The following PRKD1 variants were observed in gnomAD, a reference collection of about 807,000 sequenced individuals.
PRKD1 encodes serine/threonine-protein kinase D1.
PRKD1 carries 63 observed loss-of-function variants against 95.9 expected under a neutral mutation model. The ratio of observed to expected loss-of-function variants is 0.66; its 90% confidence interval spans 0.54 to 0.81. The LOEUF is 0.81. Ranked by LOEUF, PRKD1 falls within the 30% of genes least tolerant of loss-of-function variation. PRKD1 has a pLI of 0.00. For missense variants in PRKD1, 1,048 were observed against 1,165.3 expected, an observed-to-expected ratio of 0.90 and a Z score of 1.47; for synonymous variants, 425 against 423.1, an observed-to-expected ratio of 1.00 and a Z score of -0.05.
intron 11 of PRKD1, among the ~76,000 whole-genome samples, chr14:29,628,739 G>A (rs1879788813): frequency 6.6e-6 from 1 of 152,006 alleles, no homozygotes. Context: ...ATTTTACTGT[G>A]TAATATCAAC....
chr14:29,766,425 C>T (rs1214380999), intron 1 of PRKD1, among the ~76,000 whole-genome samples: 1 of 152,154 alleles, frequency 6.6e-6, no homozygotes, highest in African/African-American at 2.4e-5. Context: ...CTTAATGCAA[C>T]TTAGCTTTGT....
intron 1 of PRKD1, among the ~76,000 whole-genome samples, chr14:29,818,286 C>T (rs748268755): frequency 2.6e-5 from 4 of 152,178 alleles, no homozygotes; most frequent in Non-Finnish European, 4.4e-5. Flanking sequence ...CAAACAGAAA[C>T]ACCATACCAC....
intron 2 of PRKD1, among the ~76,000 whole-genome samples, chr14:29,683,036 C>T (rs567846808): frequency 2.4e-4 from 36 of 152,162 alleles, no homozygotes; most frequent in Non-Finnish European, 2.9e-4. Flanking sequence ...AGATAGTGAA[C>T]GGGAAAGCAC....
At chr14:29,813,153 A>T (rs1232185886) in intron 1 of PRKD1, among the ~76,000 whole-genome samples, 2 of 152,222 alleles carry the variant, frequency 1.3e-5, no homozygotes, top group Non-Finnish European at 2.9e-5. Flanking sequence ...ATTTAAGATA[A>T]AATGAAAATA....
chr14:29,851,416 C>A (rs1463339961), intron 1 of PRKD1, among the ~76,000 whole-genome samples: 1 of 151,930 alleles, frequency 6.6e-6, no homozygotes, highest in African/African-American at 2.4e-5. Context: ...AAAAAGTGGG[C>A]AAAAGGCATA....
chr14:29,656,635 A>C (rs1361379757), intron 4 of PRKD1: 12 of 996,196 alleles, frequency 1.2e-5, no homozygotes, highest in Admixed American at 4.6e-5. Flanking sequence ...GCTTTCAAAA[A>C]AAAGCAAAAT....
chr14:29,630,650 T>G, intron 10 of PRKD1, 92 bp downstream of exon 10: 1 of 1,510,510 alleles, frequency 6.6e-7, no homozygotes, highest in Non-Finnish European at 9.1e-7. Context: ...TCTTTCTTCA[T>G]TCTGTTCTTA....
chr14:29,885,097 T>A (rs1382823429), intron 1 of PRKD1, among the ~76,000 whole-genome samples: 1 of 142,512 alleles, frequency 7.0e-6, no homozygotes, highest in Non-Finnish European at 1.5e-5. Context: ...CACTCCCCCC[T>A]GGGCAACAGA....
intron 4 of PRKD1, chr14:29,657,427 C>T (rs1256204542): frequency 6.6e-6 from 1 of 152,092 alleles, no homozygotes; most frequent in African/African-American, 2.4e-5. Flanking sequence ...AATAAAAGAC[C>T]TCACATTGAG....
At chr14:29,602,708 C>T (rs1893566717) in intron 13 of PRKD1, among the ~76,000 whole-genome samples, 1 of 152,114 alleles carries the variant, frequency 6.6e-6, no homozygotes, top group Non-Finnish European at 1.5e-5. Flanking sequence ...GGATTACAGG[C>T]ATGAGCCACT....
chr14:29,758,507 G>A (rs1278739468), intron 1 of PRKD1, among the ~76,000 whole-genome samples: 1 of 152,116 alleles, frequency 6.6e-6, no homozygotes, highest in East Asian at 1.9e-4. Flanking sequence ...ATAGAGCAGG[G>A]CATATTTCAC....
In PRKD1 at chr14:29,743,539, G is replaced by A. The variant is rs568730978; in HGVS notation, c.265-17865C>T. ...AATTCACTAGTGGAGACAAGAACAT[G>A]TTAGGAAACAGAACATCTTGCCTCA... On this transcript the variant is annotated intron_variant, in intron 1 of 17. Transcript: ENST00000331968. Among the ~76,000 whole-genome samples, 4 of 152,214 alleles carry A rather than the reference G, an allele frequency of 2.6e-5. No homozygotes were observed. In the South Asian group the frequency reaches 8.3e-4, roughly 32 times the overall value.
At chr14:29,769,151 G>A (rs1381904192) in intron 1 of PRKD1, among the ~76,000 whole-genome samples, 1 of 152,190 alleles carries the variant, frequency 6.6e-6, no homozygotes, top group African/African-American at 2.4e-5. Context: ...GGTCATGGGA[G>A]ATTCATGTAT....
chr14:29,635,980 G>A (rs1482926553), intron 7 of PRKD1, among the ~76,000 whole-genome samples: 1 of 151,686 alleles, frequency 6.6e-6, no homozygotes, highest in African/African-American at 2.4e-5. Flanking sequence ...TACACAATGA[G>A]CTTCAAATTA....
chr14:29,870,045 T>C (rs998318153), intron 1 of PRKD1, among the ~76,000 whole-genome samples: 1 of 152,162 alleles, frequency 6.6e-6, no homozygotes, highest in Non-Finnish European at 1.5e-5. Context: ...TGATTTTCAC[T>C]TATTATTATT....
chr14:29,670,694 TC>T (rs1882788531), intron 2 of PRKD1, among the ~76,000 whole-genome samples: 1 of 152,162 alleles, frequency 6.6e-6, no homozygotes, highest in African/African-American at 2.4e-5. Flanking sequence ...CCATTCTCCC[TC>T]CCCATCACCC....
chr14:29,804,098 CG>C (rs752091151), intron 1 of PRKD1, among the ~76,000 whole-genome samples: 4 of 151,796 alleles, frequency 2.6e-5, no homozygotes, highest in Non-Finnish European at 4.4e-5. Context: ...AAAAATTAGC[CG>C]GGCATGGTGG....
chr14:29,581,242 A>G (rs1417379916), intron 16 of PRKD1, among the ~76,000 whole-genome samples: 1 of 152,068 alleles, frequency 6.6e-6, no homozygotes. Context: ...TTTAATAGTC[A>G]CTAGCTCTAC....
intron 4 of PRKD1, chr14:29,656,362 G>C: frequency 2.6e-6 from 3 of 1,165,896 alleles, no homozygotes; most frequent in South Asian, 2.7e-5. Flanking sequence ...GCTAAACTCT[G>C]ACCTGATTAT....
Sources: gnomAD v4.1 joint callset for allele counts (sites outside exome capture counted in the v4.1 genomes callset) on GRCh38, gnomAD v4.1.1 for gene constraint, MANE v1.5 for transcripts, NCBI Gene and HGNC (gene_info 2026-07-23, HGNC 2026-07-21) for gene names.